COG3: variants seen among roughly 807,000 people sequenced by gnomAD.
COG3 encodes component of oligomeric golgi complex 3.
In COG3, 32 loss-of-function variants were observed where a neutral mutation model predicts 114.1. That is an observed-to-expected ratio of 0.28 (90% CI 0.21 to 0.38). The LOEUF (loss-of-function observed/expected upper bound fraction) is 0.38. Ranked by LOEUF, COG3 falls within the 10% of genes least tolerant of loss-of-function variation. The probability of loss-of-function intolerance (pLI) is 1.00; values close to 1 mark genes in which losing one functional copy is unlikely to be tolerated. For synonymous variants in COG3, 352 were observed against 365.7 expected (o/e 0.96, Z 0.43); for missense variants, 813 against 973.2 (o/e 0.84, Z 2.19).
Position 45,473,314 on chromosome 13 carries a change from A to G in COG3, c.175-2887A>G, listed in dbSNP as rs111530259. ...TTACTCTGCAAGACTGGTGGATTCA[A>G]GACTAGTTATAATCTTGTGGATTAT... is the stretch of plus-strand genomic sequence containing the variant. On this transcript the variant is annotated intron_variant, in intron 1 of 22. Transcript: ENST00000349995. Among the ~76,000 whole-genome samples the G allele has an allele frequency of 9.3e-3, 1,420 of 152,272 alleles. 22 individuals are homozygous for G. Among genetic ancestry groups the G allele is most frequent in the African/African-American group, 0.03 (1,257 of 41,548 alleles).
At chr13:45,478,104 C>T (rs996686943) in intron 2 of COG3, among the ~76,000 whole-genome samples, 7 of 151,812 alleles carry the variant, frequency 4.6e-5, no homozygotes, top group Non-Finnish European at 7.4e-5. Context: ...CATTTTTTAC[C>T]TATTGTATGT....
chr13:45,478,965 GT>G, intron 2 of COG3, 39 bp from the exon 3 acceptor site: 7 of 1,467,924 alleles, frequency 4.8e-6, no homozygotes, highest in Non-Finnish European at 5.7e-6. Flanking sequence ...AATTTTGTCA[GT>G]TTTAGTTTTG....
chr13:45,532,634 A>G (rs1436646693), intron 22 of COG3, among the ~76,000 whole-genome samples: 1 of 126,956 alleles, frequency 7.9e-6, no homozygotes, highest in East Asian at 2.5e-4. Context: ...CAGTGGCGTG[A>G]TCTCGGCTCA....
chr13:45,527,752 T>C (rs1341146059), intron 20 of COG3, among the ~76,000 whole-genome samples: 1 of 152,184 alleles, frequency 6.6e-6, no homozygotes, highest in Non-Finnish European at 1.5e-5. Context: ...TATCAAGGGC[T>C]CTGAAGACCG....
chr13:45,466,593 T>C (rs1885154604), intron 1 of COG3: 1 of 152,236 alleles, frequency 6.6e-6, no homozygotes, highest in Non-Finnish European at 1.5e-5. Context: ...TCAAACTCTT[T>C]TATACCCTGG....
intron 13 of COG3, among the ~76,000 whole-genome samples, chr13:45,499,410 C>A (rs1440236236): frequency 6.6e-6 from 1 of 152,172 alleles, no homozygotes; most frequent in Non-Finnish European, 1.5e-5. Flanking sequence ...ACGTTTGATT[C>A]TAAATATAGA....
In COG3 at chr13:45,496,375, A is replaced by AT. The variant is rs565656394; in HGVS notation, c.1488+70dup. On this transcript the variant is annotated intron_variant, in intron 13 of 22. Transcript: ENST00000349995. ...ACAGCTTTTAGATGTTTTATTTATT[A>AT]TTTTTTTAAAAATTTATATATTAAA... The AT allele has an allele frequency of 2.5e-3, 3,002 of 1,221,842 alleles. 35 individuals carry two copies. In the African/African-American group the frequency reaches 0.031, roughly 13 times the overall value. 75.7% of individuals were successfully genotyped at this position (1,221,842 alleles called of 1,614,324 possible). A position where few individuals can be genotyped will look rare whatever the true frequency, so the allele number is the denominator to read the frequency against.
At chr13:45,497,734 C>T (rs973603319) in intron 13 of COG3, among the ~76,000 whole-genome samples, 3 of 151,726 alleles carry the variant, frequency 2.0e-5, no homozygotes, top group Non-Finnish European at 2.9e-5. Context: ...TTCAGGGAGC[C>T]GAGATCACGC....
chr13:45,533,599 G>T (rs1348022409), intron 22 of COG3, among the ~76,000 whole-genome samples: 1 of 152,130 alleles, frequency 6.6e-6, no homozygotes, highest in Non-Finnish European at 1.5e-5. Context: ...ATTGATACTA[G>T]TGTCTAATTC....
Position 45,483,308 on chromosome 13 carries a change from T to C in COG3, c.796T>C (p.Tyr266His). 1 of 1,601,962 alleles carries C rather than the reference T, an allele frequency of 6.2e-7. No homozygotes were observed. Among genetic ancestry groups the C allele is most frequent in the East Asian group, 2.2e-5 (1 of 44,716 alleles). The change falls in exon 7 of 23, where the codon TAT (tyrosine) becomes CAT (histidine). Residue 266 changes from tyrosine (Y) to histidine (H), a missense_variant. This residue lies in a region of COG3 where 424 missense variants were observed against 430.6 expected (regional missense o/e 0.98). Transcript: ENST00000349995. ...LSKALHLMKTYTVNTLQTLTS... is the reference protein window; with the variant it reads ...LSKALHLMKTHTVNTLQTLTS... ...TAAAGCTTTGCACCTCATGAAGACATATACTGTGAACACACTACAGACCCT... is the reference window on the plus strand; with the variant it reads ...TAAAGCTTTGCACCTCATGAAGACACATACTGTGAACACACTACAGACCCT...
At chr13:45,533,919 C>T (rs1265710587) in intron 22 of COG3, among the ~76,000 whole-genome samples, 1 of 152,192 alleles carries the variant, frequency 6.6e-6, no homozygotes, top group African/African-American at 2.4e-5. Flanking sequence ...TAAATGACAT[C>T]GGGGTGATGA....
At chr13:45,481,537 T>C (rs1181250719) in intron 5 of COG3, among the ~76,000 whole-genome samples, 1 of 152,196 alleles carries the variant, frequency 6.6e-6, no homozygotes, top group Non-Finnish European at 1.5e-5. Flanking sequence ...AATCTCTTTA[T>C]TGGCTACCTC....
intron 6 of COG3, 78 bp from the exon 7 acceptor site, chr13:45,483,152 A>G: frequency 9.8e-7 from 1 of 1,019,812 alleles, no homozygotes; most frequent in Non-Finnish European, 1.4e-6. Flanking sequence ...TTACATAGGG[A>G]CACCTTGGTT....
chr13:45,465,256 TCTC>T, intron 1 of COG3, 46 bp downstream of exon 1: 2 of 1,598,126 alleles, frequency 1.3e-6, no homozygotes, highest in Non-Finnish European at 1.7e-6. Context: ...GGGCTGGGAT[TCTC>T]CTCGGGCGCC....
chr13:45,479,033 C>G lies in COG3; in HGVS notation c.350C>G (p.Thr117Ser), dbSNP rs770443610. The G allele has an allele frequency of 3.7e-6, 6 of 1,611,488 alleles. No homozygotes were observed. The South Asian group carries it at 6.6e-5, about 18-fold the overall frequency. The change falls in exon 3 of 23, where the codon ACT (threonine) becomes AGT (serine). Residue 117 changes from threonine to serine, a missense_variant. Transcript: ENST00000349995. ...TTCTCATGGTTTGCAAAGCTGCAAA[C>G]TCAGATGGATCAAGATGAAGGAACT... The part of the protein sequence containing the change: ...QFFSWFAKLQ[T>S]QMDQDEGTKY...
rs938922593 is a variant in COG3, at chr13:45,496,847, A to G, written c.1488+535A>G. ...CGCCACCACACCCGGCTAATTTTTT[A>G]TATTTTTAGTAGAGATGGGGTTTCA... On this transcript the variant is annotated intron_variant, in intron 13 of 22. Transcript: ENST00000349995. 1.5e-4 allele frequency among the ~76,000 whole-genome samples: 23 copies of G among 151,138 alleles called. No individual in the cohort carries two copies. The East Asian group carries it at 1.6e-3, about 10-fold the overall frequency.
In COG3 at chr13:45,496,306, G is replaced by T; in HGVS notation, c.1482G>T (p.Met494Ile). Residue 494 changes from methionine (M) to isoleucine (I), a missense_variant, in exon 13 of 23, where the codon ATG becomes ATT. Transcript: ENST00000349995. ...GDLAYPDKLV[M>I]MEQIAQSLKD... is the part of the protein sequence containing the mutation. ...TGGCATATCCCGATAAGTTAGTCAT[G>T]ATGGAGGTAGGATCTCCTTACTTGA... The T allele has an allele frequency of 6.3e-7, 1 of 1,585,650 alleles. No individual in the cohort carries two copies.
chr13:45,496,351 C>A lies in COG3; in HGVS notation c.1488+39C>A, dbSNP rs774906000. The A allele has an allele frequency of 4.9e-6, 7 of 1,422,470 alleles. No individual in the cohort carries two copies. The Admixed American group carries it at 1.7e-4, about 34-fold the overall frequency. The allele number at this position is 1,422,470 out of a possible 1,614,324, so 88.1% of individuals were successfully genotyped here. A position where few individuals can be genotyped will look rare whatever the true frequency, so the allele number is the denominator to read the frequency against. ...ACTTGATCTCCCGTCTGCCCCCACA[C>A]AGCTTTTAGATGTTTTATTTATTAT... On this transcript the variant is annotated intron_variant, in intron 13 of 22. Coordinates refer to ENST00000349995, the MANE Select transcript of COG3 (RefSeq NM_031431.4).
chr13:45,503,302 C>A lies in COG3; in HGVS notation c.1547C>A (p.Ser516Ter). The change falls in exon 14 of 23, where the codon TCA becomes TAA. Residue 516 changes from serine to a stop codon, truncating the protein, a stop_gained. Transcript: ENST00000349995. LOFTEE classifies it high-confidence loss of function. Reference protein sequence around the residue: ...QKKVPSEASFSDVHLEEGESN... With the variant: ...QKKVPSEASF ...AAGGTACCTTCAGAAGCTTCATTTT[C>A]AGATGTTCACTTAGAAGAAGGAGAG... 6.2e-7 allele frequency: 1 copy of A among 1,607,644 alleles called. No homozygotes were observed.
Sources: gnomAD v4.1 joint callset for allele counts (sites outside exome capture counted in the v4.1 genomes callset) on GRCh38, gnomAD v4.1.1 for gene constraint, gnomAD v4.1.1 regional missense constraint, MANE v1.5 for transcripts, NCBI Gene and HGNC (gene_info 2026-07-23, HGNC 2026-07-21) for gene names.